CCSER1: variants seen among roughly 807,000 people sequenced by gnomAD.
CCSER1 encodes serine-rich coiled-coil domain-containing protein 1.
CCSER1 carries 41 observed loss-of-function variants against 82.0 expected under a neutral mutation model. The observed-to-expected ratio is 0.50, with a 90% CI of 0.39 to 0.65. CCSER1 has a LOEUF of 0.65. Among genes scored for constraint, CCSER1 ranks in the 30% least tolerant of loss-of-function variants. CCSER1 has a pLI of 0.00. For missense variants in CCSER1, 1,119 were observed against 1,064.2 expected (o/e 1.05, Z -0.72); for synonymous variants, 414 against 383.9 (o/e 1.08, Z -0.92).
At chr4:90,786,757 G>C (rs1385109020) in intron 7 of CCSER1, among the ~76,000 whole-genome samples, 1 of 152,158 alleles carries the variant, frequency 6.6e-6, no homozygotes, top group African/African-American at 2.4e-5. Context: ...CAGAGCAGCA[G>C]ACACCAGCTG....
intron 10 of CCSER1, among the ~76,000 whole-genome samples, chr4:91,208,503 C>T (rs564327366): frequency 4.6e-5 from 7 of 151,748 alleles, no homozygotes; most frequent in Admixed American, 3.9e-4. Context: ...CTATTGCTTG[C>T]TTTTGCTAGT....
At chr4:91,490,942 C>G (rs1758505941) in intron 10 of CCSER1, among the ~76,000 whole-genome samples, 1 of 76,498 alleles carries the variant, frequency 1.3e-5, no homozygotes, top group African/African-American at 4.7e-5. Flanking sequence ...TATGCGTCTA[C>G]TATGTACCCA....
chr4:90,868,527 G>A lies in CCSER1; in HGVS notation c.2094+52682G>A, dbSNP rs77581977. 5.9e-5 allele frequency among the ~76,000 whole-genome samples: 9 copies of A among 152,032 alleles called. No homozygotes were observed. The South Asian group carries it at 1.0e-3, about 18-fold the overall frequency. ...TCCATCCATGTTGTTGCACATTACA[G>A]GACCTCATTCTTTCTTCATGGTTGA... On this transcript the variant is annotated intron_variant, in intron 8 of 10. Transcript: ENST00000509176.
At chr4:90,171,833 T>C (rs1404169982) in intron 1 of CCSER1, among the ~76,000 whole-genome samples, 2 of 151,908 alleles carry the variant, frequency 1.3e-5, no homozygotes, top group Non-Finnish European at 2.9e-5. Flanking sequence ...TGTTGAGTAC[T>C]ACTCTGTATA....
At chr4:90,263,187 A>G (rs940173950) in intron 1 of CCSER1, among the ~76,000 whole-genome samples, 1 of 152,178 alleles carries the variant, frequency 6.6e-6, no homozygotes, top group Non-Finnish European at 1.5e-5. Context: ...CTTTTGTCCC[A>G]TGGCATGTTC....
chr4:91,146,085 T>C (rs1251494918), intron 10 of CCSER1, among the ~76,000 whole-genome samples: 2 of 152,198 alleles, frequency 1.3e-5, no homozygotes, highest in African/African-American at 4.8e-5. Flanking sequence ...GGTCTCTCTG[T>C]ACAATCACAT....
At chr4:91,487,602 T>C (rs1367422647) in intron 10 of CCSER1, among the ~76,000 whole-genome samples, 4 of 152,160 alleles carry the variant, frequency 2.6e-5, no homozygotes, top group Non-Finnish European at 5.9e-5. Context: ...TTCAATAGTT[T>C]GTAGTTGCAC....
chr4:91,047,152 G>A (rs953676994), intron 9 of CCSER1, among the ~76,000 whole-genome samples: 1 of 151,772 alleles, frequency 6.6e-6, no homozygotes, highest in Non-Finnish European at 1.5e-5. Flanking sequence ...ACAATCTTGG[G>A]GACCATTAAG....
chr4:91,303,291 G>T (rs912275856), intron 10 of CCSER1, among the ~76,000 whole-genome samples: 1 of 151,948 alleles, frequency 6.6e-6, no homozygotes, highest in Non-Finnish European at 1.5e-5. Flanking sequence ...ATGATGGTGG[G>T]TGTTAAGCCA....
Position 91,067,489 on chromosome 4 carries a change from G to A in CCSER1, c.2173-18461G>A, listed in dbSNP as rs191754313. On this transcript the variant is annotated intron_variant, in intron 9 of 10. Coordinates refer to ENST00000509176, the MANE Select transcript of CCSER1 (RefSeq NM_001145065.2). ...GCCTCTTGAGTAGCTAGGACTACAGGCCTGCCCTACCACCCCTGGGTAATT... is the reference window on the plus strand; with the variant it reads ...GCCTCTTGAGTAGCTAGGACTACAGACCTGCCCTACCACCCCTGGGTAATT... Among the ~76,000 whole-genome samples, 28 of 152,078 alleles carry A rather than the reference G, an allele frequency of 1.8e-4. 1 individual carries two copies. The East Asian group carries it at 5.4e-3, about 29-fold the overall frequency.
At chr4:90,602,885 A>C (rs1330128484) in intron 5 of CCSER1, among the ~76,000 whole-genome samples, 1 of 152,214 alleles carries the variant, frequency 6.6e-6, no homozygotes, top group African/African-American at 2.4e-5. Flanking sequence ...TATTACCCCG[A>C]TCAGGAAACA....
chr4:90,444,710 A>C (rs1040196674), intron 4 of CCSER1, among the ~76,000 whole-genome samples: 3 of 152,036 alleles, frequency 2.0e-5, no homozygotes, highest in Non-Finnish European at 4.4e-5. Context: ...TCAATAATTC[A>C]AGACAGAAAT....
Position 90,628,069 on chromosome 4 carries a change from G to C in CCSER1, c.1769G>C (p.Arg590Thr), listed in dbSNP as rs759376363. ...ACAAAGGACGTTGATCAAGAAGCCA[G>C]GTGTTCCCACATCAGCCGAATGCCC... ...KLTKDVDQEA[R>T]CSHISRMPNS... Residue 590 changes from arginine to threonine, a missense_variant, in exon 6 of 11, where the codon AGG becomes ACG. Physicochemically the swap from Arg to Thr is moderately conservative, Grantham distance 71. Coordinates refer to ENST00000509176, the MANE Select transcript of CCSER1 (RefSeq NM_001145065.2). The C allele has an allele frequency of 6.2e-7, 1 of 1,613,570 alleles. No homozygotes were observed. Among genetic ancestry groups the C allele is most frequent in the East Asian group, 2.2e-5 (1 of 44,880 alleles).
intron 9 of CCSER1, among the ~76,000 whole-genome samples, chr4:91,016,041 A>G (rs1022909883): frequency 6.6e-6 from 1 of 152,018 alleles, no homozygotes; most frequent in Non-Finnish European, 1.5e-5. Context: ...GATTTCTTGG[A>G]TCACGAGTTC....
intron 9 of CCSER1, chr4:90,951,184 C>T (rs1399241277): frequency 6.6e-6 from 1 of 152,098 alleles, no homozygotes; most frequent in South Asian, 2.1e-4. Flanking sequence ...TGACTCATCC[C>T]TCAAGGCTCT....
intron 1 of CCSER1, among the ~76,000 whole-genome samples, chr4:90,287,463 T>C (rs1329260211): frequency 1.3e-5 from 2 of 151,872 alleles, no homozygotes; most frequent in South Asian, 2.1e-4. Flanking sequence ...TTTAGCAGGA[T>C]ACAACATTGC....
chr4:91,570,250 C>G (rs1763106243), intron 10 of CCSER1, among the ~76,000 whole-genome samples: 1 of 152,168 alleles, frequency 6.6e-6, no homozygotes, highest in Non-Finnish European at 1.5e-5. Context: ...GTGCCTTTGG[C>G]TTTTCCAGGT....
At chr4:90,876,551 ATC>A (rs1767230268) in intron 8 of CCSER1, among the ~76,000 whole-genome samples, 1 of 152,126 alleles carries the variant, frequency 6.6e-6, no homozygotes, top group Non-Finnish European at 1.5e-5. Flanking sequence ...GAACCCAAAT[ATC>A]TCTGAGAGTT....
At chr4:91,121,122 CT>C (rs33964627) in intron 10 of CCSER1, among the ~76,000 whole-genome samples, 76,829 of 148,422 alleles carry the variant, frequency 0.52, 19,944 homozygotes, top group East Asian at 0.69. Context: ...TTGCTGACAT[CT>C]TTTTTTTTTT....
Sources: gnomAD v4.1 joint callset for allele counts (sites outside exome capture counted in the v4.1 genomes callset) on GRCh38, gnomAD v4.1.1 for gene constraint, MANE v1.5 for transcripts, NCBI Gene and HGNC (gene_info 2026-07-23, HGNC 2026-07-21) for gene names.